The following FAF1 variants were observed in gnomAD, a reference collection of about 807,000 sequenced individuals.
The protein encoded by FAF1 is Fas associated factor 1, also known as FAS-associated factor 1.
A neutral mutation model predicts 92.5 loss-of-function variants in FAF1; 25 were observed. The observed-to-expected ratio is 0.27, with a 90% CI of 0.20 to 0.38. The LOEUF (loss-of-function observed/expected upper bound fraction) is 0.38, where lower values mean the gene tolerates loss of function less well. FAF1 is among the 10% of genes least tolerant of loss of function. FAF1 has a pLI of 1.00. For synonymous variants in FAF1, 234 were observed against 273.2 expected, an observed-to-expected ratio of 0.86 and a Z score of 1.42; for missense variants, 636 against 793.3, an observed-to-expected ratio of 0.80 and a Z score of 2.38.
At chr1:50,837,764 G>C (rs1315314778) in intron 2 of FAF1, among the ~76,000 whole-genome samples, 1 of 146,098 alleles carries the variant, frequency 6.8e-6, no homozygotes, top group South Asian at 2.1e-4. Context: ...TTTTTTTTGA[G>C]ACAGAGTCTC....
At chr1:50,644,389 T>G (rs1654482768) in intron 8 of FAF1, among the ~76,000 whole-genome samples, 1 of 152,196 alleles carries the variant, frequency 6.6e-6, no homozygotes, top group Non-Finnish European at 1.5e-5. Context: ...ATAGCTCCAG[T>G]TAACTACTCT....
chr1:50,533,647 G>A (rs1451793350), intron 15 of FAF1, among the ~76,000 whole-genome samples: 1 of 152,234 alleles, frequency 6.6e-6, no homozygotes, highest in Non-Finnish European at 1.5e-5. Context: ...CTAAAGGATA[G>A]TCTATTAAAA....
chr1:50,514,314 C>A (rs1255789575), intron 15 of FAF1, among the ~76,000 whole-genome samples: 2 of 152,152 alleles, frequency 1.3e-5, no homozygotes, highest in African/African-American at 4.8e-5. Flanking sequence ...AAAATGAACA[C>A]CAAATGAGCA....
chr1:50,630,807 T>C (rs1038838227), intron 8 of FAF1, among the ~76,000 whole-genome samples: 3 of 150,934 alleles, frequency 2.0e-5, no homozygotes, highest in African/African-American at 7.3e-5. Flanking sequence ...CTTTCCAGTT[T>C]ACATATCTAG....
chr1:50,840,640 A>G (rs1295338239), intron 2 of FAF1, among the ~76,000 whole-genome samples: 1 of 152,024 alleles, frequency 6.6e-6, no homozygotes. Context: ...TATAACTAAT[A>G]AAAGTATTCC....
chr1:50,851,046 T>C (rs1431343796), intron 2 of FAF1, among the ~76,000 whole-genome samples: 15 of 152,136 alleles, frequency 9.9e-5, no homozygotes, highest in Non-Finnish European at 1.6e-4. Flanking sequence ...GTGCATCTGA[T>C]TGATATGAAC....
chr1:50,772,204 C>T (rs1660797281), intron 4 of FAF1, among the ~76,000 whole-genome samples: 1 of 151,924 alleles, frequency 6.6e-6, no homozygotes, highest in Non-Finnish European at 1.5e-5. Context: ...ATAATAGATG[C>T]TGGCAAGGTT....
At chr1:50,661,838 C>A (rs190422040) in intron 7 of FAF1, among the ~76,000 whole-genome samples, 1 of 152,190 alleles carries the variant, frequency 6.6e-6, no homozygotes, top group African/African-American at 2.4e-5. Flanking sequence ...TGAACACATA[C>A]TTCATACCTA....
At chr1:50,664,929 T>A (rs1655558847) in intron 7 of FAF1, among the ~76,000 whole-genome samples, 1 of 152,260 alleles carries the variant, frequency 6.6e-6, no homozygotes, top group African/African-American at 2.4e-5. Context: ...CAATATTTCC[T>A]CTGTACACTT....
intron 1 of FAF1, among the ~76,000 whole-genome samples, chr1:50,858,571 T>G (rs957407615): frequency 6.6e-6 from 1 of 151,750 alleles, no homozygotes; most frequent in Admixed American, 6.6e-5. Context: ...GCACCAAAAT[T>G]AAAAATGTAA....
chr1:50,730,765 T>A (rs1658880027), intron 6 of FAF1, among the ~76,000 whole-genome samples: 1 of 152,226 alleles, frequency 6.6e-6, no homozygotes, highest in Non-Finnish European at 1.5e-5. Context: ...GCTCCACATT[T>A]TCTTGCAGCT....
chr1:50,917,685 AAAGGAAAGGAAAGG>A (rs869036952), intron 1 of FAF1, among the ~76,000 whole-genome samples: 1 of 150,194 alleles, frequency 6.7e-6, no homozygotes, highest in South Asian at 2.1e-4. Context: ...AAAGGAAAGG[AAAGGAAAGGAAAGG>A]AAAAGAAAGA....
At chr1:50,610,839 T>C (rs759904080) in intron 8 of FAF1, among the ~76,000 whole-genome samples, 2 of 152,170 alleles carry the variant, frequency 1.3e-5, no homozygotes, top group Non-Finnish European at 2.9e-5. Flanking sequence ...GCTGTGACAA[T>C]TACTTATCAC....
intron 12 of FAF1, among the ~76,000 whole-genome samples, chr1:50,570,307 A>T (rs1251053407): frequency 6.6e-6 from 1 of 152,240 alleles, no homozygotes; most frequent in East Asian, 1.9e-4. Context: ...TTCCACAAGG[A>T]AACTTTAGGA....
chr1:50,462,630 C>T (rs563195817), intron 18 of FAF1, among the ~76,000 whole-genome samples: 10 of 152,216 alleles, frequency 6.6e-5, no homozygotes, highest in Non-Finnish European at 1.5e-4. Context: ...TCGGAGCAGA[C>T]CATTATAGAA....
At chr1:50,905,311 A>G (rs575967397) in intron 1 of FAF1, among the ~76,000 whole-genome samples, 5 of 152,276 alleles carry the variant, frequency 3.3e-5, no homozygotes, top group African/African-American at 1.2e-4. Context: ...GTTGGTTCCA[A>G]GTCTTTGCTA....
chr1:50,829,755 A>G (rs1487784679), intron 2 of FAF1, among the ~76,000 whole-genome samples: 1 of 152,226 alleles, frequency 6.6e-6, no homozygotes, highest in African/African-American at 2.4e-5. Context: ...CTGACATTAT[A>G]TCCTGTAACT....
intron 7 of FAF1, among the ~76,000 whole-genome samples, chr1:50,657,251 T>G (rs984986671): frequency 5.3e-5 from 8 of 152,176 alleles, no homozygotes; most frequent in African/African-American, 1.9e-4. Context: ...TTCAGGGTTT[T>G]TTTTTTCTAT....
intron 4 of FAF1, among the ~76,000 whole-genome samples, chr1:50,747,500 C>T (rs909247059): frequency 1.3e-5 from 2 of 152,134 alleles, no homozygotes; most frequent in Non-Finnish European, 2.9e-5. Flanking sequence ...TGCCTATACC[C>T]CCATTTTATC....
Sources: allele counts gnomAD v4.1 joint callset (sites outside exome capture counted in the v4.1 genomes callset), GRCh38; gene constraint gnomAD v4.1.1; transcripts MANE v1.5; gene names NCBI Gene and HGNC (gene_info 2026-07-23, HGNC 2026-07-21).